The following SYT1 variants were observed in gnomAD, a reference collection of about 807,000 sequenced individuals.
SYT1 encodes synaptotagmin 1.
A neutral mutation model predicts 44.8 loss-of-function variants in SYT1; 8 were observed. That is an observed-to-expected ratio of 0.18 (90% CI 0.10 to 0.32). The LOEUF (loss-of-function observed/expected upper bound fraction) is 0.32. Among genes scored for constraint, SYT1 ranks in the 10% least tolerant of loss-of-function variants. SYT1 has a pLI of 1.00. For missense variants in SYT1, 286 were observed against 509.3 expected, an observed-to-expected ratio of 0.56 and a Z score of 4.22; for synonymous variants, 154 against 188.8, an observed-to-expected ratio of 0.82 and a Z score of 1.51.
chr12:79,179,689 G>C (rs955664547), intron 3 of SYT1, among the ~76,000 whole-genome samples: 25 of 151,430 alleles, frequency 1.7e-4, no homozygotes, highest in African/African-American at 6.1e-4. Context: ...CAAAGTATTG[G>C]GATTACAGGC....
chr12:79,276,397 G>T (rs573420277), intron 4 of SYT1, among the ~76,000 whole-genome samples: 38 of 151,884 alleles, frequency 2.5e-4, no homozygotes, highest in African/African-American at 8.4e-4. Context: ...AACAGAATTA[G>T]TGGGGCGCAA....
chr12:78,920,357 G>C (rs553108591), intron 1 of SYT1, among the ~76,000 whole-genome samples: 1 of 151,832 alleles, frequency 6.6e-6, no homozygotes, highest in African/African-American at 2.4e-5. Flanking sequence ...CTAATAGATC[G>C]CATTCAACAA....
Position 79,432,301 on chromosome 12 carries a change from T to G in SYT1, c.929-11772T>G, listed in dbSNP as rs1268050893. ...ATATGTATACATGTGCCATGTTGGT[T>G]TGCTGCACCCATTAACTCGTCATTT... On this transcript the variant is annotated intron_variant, in intron 9 of 10. Transcript: ENST00000261205. 3.3e-5 allele frequency among the ~76,000 whole-genome samples: 5 copies of G among 152,104 alleles called. No individual in the cohort carries two copies. The Middle Eastern group carries it at 0.01, about 310-fold the overall frequency.
chr12:79,311,981 C>T (rs911102439), intron 8 of SYT1, among the ~76,000 whole-genome samples: 29 of 151,038 alleles, frequency 1.9e-4, no homozygotes, highest in Non-Finnish European at 2.9e-5. Context: ...AACTAACCTG[C>T]ACATTGTGCA....
intron 3 of SYT1, among the ~76,000 whole-genome samples, chr12:79,165,846 C>T (rs1372136348): frequency 6.6e-6 from 1 of 151,948 alleles, no homozygotes; most frequent in African/African-American, 2.4e-5. Context: ...AGTGCTAAAG[C>T]ACATTTTCTT....
intron 1 of SYT1, among the ~76,000 whole-genome samples, chr12:78,908,376 CT>C (rs66823725): frequency 0.48 from 70,807 of 148,750 alleles, 18,637 homozygotes; most frequent in Admixed American, 0.62. Flanking sequence ...ATCAGTTTTT[CT>C]TTTTTTTTTT....
At chr12:79,243,025 T>C (rs1252704327) in intron 4 of SYT1, among the ~76,000 whole-genome samples, 1 of 152,214 alleles carries the variant, frequency 6.6e-6, no homozygotes, top group Non-Finnish European at 1.5e-5. Context: ...ACATCTTACA[T>C]GGCAGCAGGC....
At chr12:78,968,979 T>C (rs187123215) in intron 1 of SYT1, among the ~76,000 whole-genome samples, 2 of 152,300 alleles carry the variant, frequency 1.3e-5, no homozygotes, top group African/African-American at 2.4e-5. Flanking sequence ...GTGATAAGTG[T>C]TATAAAGAAA....
At chr12:79,358,038 C>T (rs889509263) in intron 9 of SYT1, among the ~76,000 whole-genome samples, 1 of 152,132 alleles carries the variant, frequency 6.6e-6, no homozygotes, top group South Asian at 2.1e-4. Context: ...TAATCAGATA[C>T]GTTGCTACTT....
rs368127270 is a variant in SYT1, at chr12:79,226,042, C to T, written c.166+8357C>T. 5.9e-5 allele frequency among the ~76,000 whole-genome samples: 9 copies of T among 152,298 alleles called. 1 individual carries two copies. Among genetic ancestry groups the T allele is most frequent in the Admixed American group, 3.3e-4 (5 of 15,300 alleles). On this transcript the variant is annotated intron_variant, in intron 4 of 10. Transcript: ENST00000261205. Reference sequence around the variant, plus strand: ...GGTCTGTTTATGCTCATGCCTAGCACATATGAGGCACTAAATACATATTTG... The same window carrying T: ...GGTCTGTTTATGCTCATGCCTAGCATATATGAGGCACTAAATACATATTTG...
chr12:79,445,418 T>G (rs1217061585), intron 10 of SYT1, among the ~76,000 whole-genome samples: 2 of 152,090 alleles, frequency 1.3e-5, no homozygotes, highest in Admixed American at 1.3e-4. Flanking sequence ...TCCTCCTATG[T>G]AGCTGTGATT....
rs76659538 is a variant in SYT1, at chr12:79,280,985, TAA to T, written c.167-4789_167-4788del. 1.6e-3 allele frequency among the ~76,000 whole-genome samples: 219 copies of T among 140,730 alleles called. 1 individual carries two copies. The highest frequency in any genetic ancestry group is 6.4e-3 in the South Asian group (29 of 4,550). The allele number at this position is 140,730 out of a possible 152,430, so 92.3% of individuals were successfully genotyped here. On this transcript the variant is annotated intron_variant, in intron 4 of 10. Coordinates refer to ENST00000261205, the MANE Select transcript of SYT1 (RefSeq NM_005639.3). ...AGTCAGAATGGCCATTAATAAAAAGTAAAAAAAAAAAAAATAGATACTGGCAT... is the reference window on the plus strand; with the variant it reads ...AGTCAGAATGGCCATTAATAAAAAGTAAAAAAAAAAAATAGATACTGGCAT...
chr12:79,427,975 G>A (rs1869546678), intron 9 of SYT1, among the ~76,000 whole-genome samples: 2 of 152,274 alleles, frequency 1.3e-5, no homozygotes, highest in Middle Eastern at 3.4e-3. Context: ...TATAATCTAA[G>A]TTGATAATGC....
chr12:79,302,951 A>G (rs141578023), intron 8 of SYT1, among the ~76,000 whole-genome samples: 1 of 152,292 alleles, frequency 6.6e-6, no homozygotes, highest in South Asian at 2.1e-4. Context: ...ATTTCTCAGT[A>G]TATGGCTTCA....
In SYT1 at chr12:79,296,081, A is replaced by G; in HGVS notation, c.487A>G (p.Ile163Val). ...TCATTTATTTCAGCTGCTGGTAGGG[A>G]TCATTCAGGCTGCCGAACTGCCCGC... is the stretch of plus-strand genomic sequence containing the variant. The part of the protein sequence containing the change: ...DFQNNQLLVG[I>V]IQAAELPALD... The change falls in exon 7 of 11, where the codon ATC becomes GTC. Residue 163 changes from isoleucine (I) to valine (V), a missense_variant. Physicochemically the swap from Ile to Val is conservative, Grantham distance 29. Around this residue, in one of 6 missense-constraint regions of SYT1, gnomAD observed 81 missense variants for 164.9 expected, o/e 0.49. Coordinates refer to ENST00000261205, the MANE Select transcript of SYT1 (RefSeq NM_005639.3). 1 of 1,611,216 alleles carries G rather than the reference A, an allele frequency of 6.2e-7. No homozygotes were observed. Among genetic ancestry groups the G allele is most frequent in the South Asian group, 1.1e-5 (1 of 90,564 alleles).
At chr12:78,978,018 G>C (rs140193815) in intron 2 of SYT1, 87 bp downstream of exon 2, 11 of 152,336 alleles carry the variant, frequency 7.2e-5, no homozygotes, top group African/African-American at 2.6e-4. Context: ...TGGCGGCGGG[G>C]CCGGCGGAGG....
chr12:79,213,033 A>G (rs1460933934), intron 3 of SYT1, among the ~76,000 whole-genome samples: 20 of 152,212 alleles, frequency 1.3e-4, no homozygotes, highest in Admixed American at 1.2e-3. Context: ...GTGTTATTTT[A>G]TATTAATATG....
rs144730530 is a variant in SYT1 at position 79,095,978 on chromosome 12, A to G, written c.-18+48616A>G. Among the ~76,000 whole-genome samples, 31 of 152,062 alleles carry G rather than the reference A, an allele frequency of 2.0e-4. 1 individual carries two copies. In the East Asian group the frequency reaches 5.6e-3, roughly 28 times the overall value. ...GATGGCTGACGTTTTCATATTGTAC[A>G]GGAAGGATAGAGTCTTGGCGGTCCT... is the stretch of plus-strand genomic sequence containing the variant. On this transcript the variant is annotated intron_variant, in intron 3 of 10. Transcript: ENST00000261205.
intron 3 of SYT1, among the ~76,000 whole-genome samples, chr12:79,180,391 T>C (rs1872452335): frequency 6.6e-6 from 1 of 152,070 alleles, no homozygotes; most frequent in South Asian, 2.1e-4. Context: ...AGCCTCAACA[T>C]ATGTAATCAT....
Sources: gnomAD v4.1 joint callset for allele counts (sites outside exome capture counted in the v4.1 genomes callset) on GRCh38, gnomAD v4.1.1 for gene constraint, gnomAD v4.1.1 regional missense constraint, MANE v1.5 for transcripts, NCBI Gene and HGNC (gene_info 2026-07-23, HGNC 2026-07-21) for gene names.